The following EPAS1 variants were observed in gnomAD, a reference collection of about 807,000 sequenced individuals.
EPAS1 encodes the protein endothelial PAS domain-containing protein 1.
Under a neutral mutation model 87.9 loss-of-function variants are expected in EPAS1, and 23 were observed. The ratio of observed to expected loss-of-function variants is 0.26; its 90% confidence interval spans 0.19 to 0.37. The LOEUF (loss-of-function observed/expected upper bound fraction) is 0.37. Ranked by LOEUF, EPAS1 falls within the 10% of genes least tolerant of loss-of-function variation. The pLI is 1.00. For missense variants in EPAS1, 1,138 were observed against 1,120.7 expected, an observed-to-expected ratio of 1.02 and a Z score of -0.22; for synonymous variants, 508 against 444.3, an observed-to-expected ratio of 1.14 and a Z score of -1.80.
At chr2:46,381,837 G>A (rs370158363) in intron 13 of EPAS1, 115 bp downstream of exon 13, 26 of 1,565,996 alleles carry the variant, frequency 1.7e-5, no homozygotes, top group Admixed American at 1.8e-5. Context: ...AGGGAACCCA[G>A]GGCTGCTGAG....
At chr2:46,331,285 C>A (rs2104858079) in intron 1 of EPAS1, among the ~76,000 whole-genome samples, 1 of 152,290 alleles carries the variant, frequency 6.6e-6, no homozygotes, top group South Asian at 2.1e-4. Flanking sequence ...ATCTGTCTTC[C>A]CTTCTCTATC....
chr2:46,377,642 C>G (rs913004872), intron 9 of EPAS1, among the ~76,000 whole-genome samples: 3 of 152,204 alleles, frequency 2.0e-5, no homozygotes, highest in Non-Finnish European at 4.4e-5. Context: ...AAGAGTGGCT[C>G]CTAATATATT....
Position 46,386,268 on chromosome 2 carries a change from A to T in EPAS1, c.*1608A>T, listed in dbSNP as rs113426477. On this transcript the variant is annotated 3_prime_UTR_variant, in exon 16 of 16. Coordinates refer to ENST00000263734, the MANE Select transcript of EPAS1 (RefSeq NM_001430.5). ...AATGAAGAAGTTTCTAAAAACACACACAAAGCACATTGGGCCAACTATTTA... is the reference window on the plus strand; with the variant it reads ...AATGAAGAAGTTTCTAAAAACACACTCAAAGCACATTGGGCCAACTATTTA... The T allele has an allele frequency of 6.5e-6, 1 of 152,736 alleles. No homozygotes were observed. Among genetic ancestry groups the T allele is most frequent in the African/African-American group, 2.4e-5 (1 of 41,594 alleles). The allele number at this position is 152,736 out of a possible 1,614,324, so 9.5% of individuals were successfully genotyped here. A position where few individuals can be genotyped will look rare whatever the true frequency, so the allele number is the denominator to read the frequency against.
chr2:46,327,234 A>G (rs1465385607), intron 1 of EPAS1, among the ~76,000 whole-genome samples: 3 of 152,206 alleles, frequency 2.0e-5, no homozygotes, highest in Non-Finnish European at 4.4e-5. Flanking sequence ...TGTGTGCCCA[A>G]TATTGTGTTG....
intron 1 of EPAS1, among the ~76,000 whole-genome samples, chr2:46,308,871 A>G (rs1369337998): frequency 6.6e-6 from 1 of 152,146 alleles, no homozygotes; most frequent in Admixed American, 6.5e-5. Context: ...TCCCTGATTA[A>G]CTGCACATTG....
Position 46,346,905 on chromosome 2 carries a change from G to A in EPAS1, c.59G>A (p.Arg20Gln), listed in dbSNP as rs1232847847. 4.3e-6 allele frequency: 7 copies of A among 1,614,088 alleles called. No individual in the cohort carries two copies. Among genetic ancestry groups the A allele is most frequent in the East Asian group, 2.2e-5 (1 of 44,890 alleles). The change falls in exon 2 of 16, where the codon CGG becomes CAG. Residue 20 changes from arginine (R) to glutamine (Q), a missense_variant. This residue lies in a region of EPAS1 where 351 missense variants were observed against 417.1 expected (regional missense o/e 0.84). Coordinates refer to ENST00000263734, the MANE Select transcript of EPAS1 (RefSeq NM_001430.5). The surrounding 1 kb of genome is among the most constrained non-coding windows in gnomAD (Gnocchi z 4.0). ...TCGGAGAGGAGGAAGGAGAAGTCCC[G>A]GGATGCTGCGCGGTGCCGGCGGAGC... Reference protein sequence around the residue: ...SSSERRKEKSRDAARCRRSKE... With the variant: ...SSSERRKEKSQDAARCRRSKE...
At chr2:46,350,361 G>A (rs563360277) in intron 2 of EPAS1, among the ~76,000 whole-genome samples, 2 of 152,274 alleles carry the variant, frequency 1.3e-5, no homozygotes, top group South Asian at 2.1e-4. Flanking sequence ...AAAATACCAG[G>A]TTTTTCTTTA....
rs1684020367 is a variant in EPAS1, at chr2:46,346,184, G to T, written c.27-689G>T. Among the ~76,000 whole-genome samples, 1 of 152,236 alleles carries T rather than the reference G, an allele frequency of 6.6e-6. No individual in the cohort carries two copies. Among genetic ancestry groups the T allele is most frequent in the African/African-American group, 2.4e-5 (1 of 41,466 alleles). ...TCGTTCCATCCTGCAGCAAAGAGGA[G>T]AATGAGGCTGAGACAGCCTGGCAAC... On this transcript the variant is annotated intron_variant, in intron 1 of 15. Transcript: ENST00000263734. The surrounding 1 kb of genome is among the most constrained non-coding windows in gnomAD (Gnocchi z 4.0).
intron 1 of EPAS1, among the ~76,000 whole-genome samples, chr2:46,335,437 C>T (rs1272563880): frequency 1.5e-5 from 2 of 134,484 alleles, no homozygotes; most frequent in African/African-American, 5.4e-5. Context: ...TTTGACGACA[C>T]TGCCAGGGGA....
intron 15 of EPAS1, among the ~76,000 whole-genome samples, chr2:46,383,438 T>G (rs1684945533): frequency 6.6e-6 from 1 of 152,296 alleles, no homozygotes; most frequent in East Asian, 1.9e-4. Flanking sequence ...TAATTCGTGG[T>G]TTATGGAAAA....
At chr2:46,378,142 T>C in intron 10 of EPAS1, 55 bp downstream of exon 10, 1 of 1,546,068 alleles carries the variant, frequency 6.5e-7, no homozygotes, top group East Asian at 2.4e-5. Context: ...GTATGACTGC[T>C]GCCAGATGGC....
At chr2:46,381,788 G>T in intron 13 of EPAS1, 66 bp downstream of exon 13, 1 of 1,607,082 alleles carries the variant, frequency 6.2e-7, no homozygotes, top group Non-Finnish European at 8.5e-7. Context: ...GCTGCTGAGA[G>T]GGGTGGGGAT....
At chr2:46,363,354 G>A (rs1684441039) in intron 6 of EPAS1, among the ~76,000 whole-genome samples, 1 of 152,300 alleles carries the variant, frequency 6.6e-6, no homozygotes, top group South Asian at 2.1e-4. Flanking sequence ...TAAGCACTGG[G>A]AAAACCCTAC....
At position 46,354,908 on chromosome 2, in the gene EPAS1, T is replaced by G. The variant is rs2103626294; in HGVS notation, c.218-1243T>G. 1.3e-5 allele frequency among the ~76,000 whole-genome samples: 2 copies of G among 152,288 alleles called. 1 individual carries two copies. The highest frequency in any genetic ancestry group is 4.1e-4 in the South Asian group (2 of 4,824). On this transcript the variant is annotated intron_variant, in intron 2 of 15. Transcript: ENST00000263734. ...GGACTGAAGCTTGCTCCAGGTGTTT[T>G]CCAGTGTTCACACAATCCCGTCTGG...
At chr2:46,309,858 C>T (rs1193358361) in intron 1 of EPAS1, among the ~76,000 whole-genome samples, 1 of 152,148 alleles carries the variant, frequency 6.6e-6, no homozygotes, top group Non-Finnish European at 1.5e-5. Flanking sequence ...GCCATGGGAG[C>T]AGTGCATGCC....
chr2:46,324,597 C>A (rs1224699691), intron 1 of EPAS1, among the ~76,000 whole-genome samples: 1 of 152,224 alleles, frequency 6.6e-6, no homozygotes, highest in African/African-American at 2.4e-5. Flanking sequence ...CCCTGTTTGG[C>A]TGTGATATGC....
intron 1 of EPAS1, among the ~76,000 whole-genome samples, chr2:46,339,960 C>T (rs1342550678): frequency 6.6e-6 from 1 of 152,216 alleles, no homozygotes; most frequent in Non-Finnish European, 1.5e-5. Context: ...GATACCATCA[C>T]ATTGGGAGTG....
intron 1 of EPAS1, among the ~76,000 whole-genome samples, chr2:46,342,894 G>A (rs1236515972): frequency 2.6e-5 from 4 of 152,106 alleles, no homozygotes; most frequent in African/African-American, 9.7e-5. Context: ...TGCTTAAGTG[G>A]TTGTTAACTT....
At chr2:46,377,536 G>C (rs1198175025) in intron 9 of EPAS1, among the ~76,000 whole-genome samples, 2 of 152,218 alleles carry the variant, frequency 1.3e-5, no homozygotes, top group Non-Finnish European at 2.9e-5. Context: ...CTCGCGGCTT[G>C]TTTTGTGGCA....
Sources: allele counts gnomAD v4.1 joint callset (sites outside exome capture counted in the v4.1 genomes callset), GRCh38; gene constraint gnomAD v4.1.1; regional missense constraint gnomAD v4.1.1; non-coding constraint Gnocchi (gnomAD v3.1); transcripts MANE v1.5; gene names NCBI Gene and HGNC (gene_info 2026-07-23, HGNC 2026-07-21).